Variants in SESN3 observed in about 807,000 individuals in gnomAD.
SESN3 encodes sestrin 3.
In SESN3, 21 loss-of-function variants were observed where a neutral mutation model predicts 55.3. The observed-to-expected ratio is 0.38, with a 90% CI of 0.27 to 0.55. The LOEUF is 0.55. Ranked by LOEUF, SESN3 falls within the 20% of genes least tolerant of loss-of-function variation. SESN3 has a pLI of 0.76. For missense variants in SESN3, 408 were observed against 604.3 expected, an observed-to-expected ratio of 0.68 and a Z score of 3.41; for synonymous variants, 181 against 203.1, an observed-to-expected ratio of 0.89 and a Z score of 0.93.
At chr11:95,184,703 A>G (rs1177127542) in intron 5 of SESN3, 109 bp from the exon 6 acceptor site, 2 of 978,004 alleles carry the variant, frequency 2.0e-6, no homozygotes, top group African/African-American at 3.3e-5. Context: ...AGGCACAGTT[A>G]TGAAGTTCTT....
chr11:95,185,829 G>T (rs148073090), intron 4 of SESN3, among the ~76,000 whole-genome samples: 1 of 151,640 alleles, frequency 6.6e-6, no homozygotes, highest in African/African-American at 2.4e-5. Context: ...AAAGATTATC[G>T]AACAAAACCA....
chr11:95,176,901 C>A (rs773912708), intron 8 of SESN3, among the ~76,000 whole-genome samples: 2 of 152,062 alleles, frequency 1.3e-5, no homozygotes, highest in Non-Finnish European at 2.9e-5. Flanking sequence ...TTACATACAA[C>A]CATAATCTAT....
intron 1 of SESN3, chr11:95,205,014 A>ACAGCCTTC (rs1591066067): frequency 6.6e-6 from 1 of 152,214 alleles, no homozygotes; most frequent in East Asian, 1.9e-4. Flanking sequence ...ATGGACTAAA[A>ACAGCCTTC]CAGCCTTCCA....
intron 1 of SESN3, chr11:95,201,362 G>T (rs1860458306): frequency 6.6e-6 from 1 of 152,014 alleles, no homozygotes; most frequent in Non-Finnish European, 1.5e-5. Context: ...AGCACTGAAA[G>T]AATTGGAAGA....
chr11:95,227,141 A>C (rs1224808582), intron 1 of SESN3, among the ~76,000 whole-genome samples: 2 of 152,024 alleles, frequency 1.3e-5, no homozygotes, highest in Admixed American at 1.3e-4. Flanking sequence ...AACAATTTTG[A>C]CTATAAAAAT....
In SESN3 at chr11:95,172,117, T is replaced by C. The variant is rs1297566316; in HGVS notation, c.*1138A>G. On this transcript the variant is annotated 3_prime_UTR_variant, in exon 10 of 10. Coordinates refer to ENST00000536441, the MANE Select transcript of SESN3 (RefSeq NM_144665.4). The stretch of plus-strand genomic sequence containing the variant: ...TTAAAAGGACACTTTTGCAGTGATA[T>C]GACAGGGGGAAAGTTTAGTTGAGTA... The C allele has an allele frequency of 1.3e-5, 2 of 152,170 alleles. No homozygotes were observed. The highest frequency in any genetic ancestry group is 2.9e-5 in the Non-Finnish European group (2 of 68,000). The allele number at this position is 152,170 out of a possible 1,614,324, so 9.4% of individuals were successfully genotyped here.
At chr11:95,186,153 C>T (rs1221436115) in intron 4 of SESN3, among the ~76,000 whole-genome samples, 2 of 145,098 alleles carry the variant, frequency 1.4e-5, no homozygotes, top group African/African-American at 5.1e-5. Flanking sequence ...TCTTTCCCAT[C>T]GGTGTTCATT....
At chr11:95,219,360 A>G (rs2134264981) in intron 1 of SESN3, among the ~76,000 whole-genome samples, 1 of 152,102 alleles carries the variant, frequency 6.6e-6, no homozygotes, top group African/African-American at 2.4e-5. Flanking sequence ...CATTTGCTGG[A>G]CTGACTTGTT....
chr11:95,231,156 C>G lies in SESN3; in HGVS notation c.-296G>C, dbSNP rs1398177455. On this transcript the variant is annotated 5_prime_UTR_variant, in exon 1 of 10. Coordinates refer to ENST00000536441, the MANE Select transcript of SESN3 (RefSeq NM_144665.4). ...GCCCCCGCCAGGCTAGGACGAGCAG[C>G]CGCCACCGCTGCCACCGCCACCACC... is the stretch of plus-strand genomic sequence containing the variant. 1 of 414,828 alleles carries G rather than the reference C, an allele frequency of 2.4e-6. No homozygotes were observed. Among genetic ancestry groups the G allele is most frequent in the African/African-American group, 2.1e-5 (1 of 47,138 alleles). 25.7% of individuals were successfully genotyped at this position (414,828 alleles called of 1,614,324 possible). A position where few individuals can be genotyped will look rare whatever the true frequency, so the allele number is the denominator to read the frequency against.
chr11:95,210,738 C>G (rs1860639271), intron 1 of SESN3, among the ~76,000 whole-genome samples: 1 of 152,062 alleles, frequency 6.6e-6, no homozygotes, highest in East Asian at 1.9e-4. Context: ...ACTTATTATT[C>G]CAATATACTA....
chr11:95,200,413 G>A (rs1282699494), intron 1 of SESN3, among the ~76,000 whole-genome samples: 1 of 152,040 alleles, frequency 6.6e-6, no homozygotes, highest in Non-Finnish European at 1.5e-5. Flanking sequence ...ATGTTCACCA[G>A]ATTATAATAA....
chr11:95,177,840 C>G lies in SESN3; in HGVS notation c.1126G>C (p.Asp376His), dbSNP rs1242786408. 6 of 1,606,352 alleles carry G rather than the reference C, an allele frequency of 3.7e-6. No homozygotes were observed. Among genetic ancestry groups the G allele is most frequent in the Non-Finnish European group, 5.1e-6 (6 of 1,177,882 alleles). ...TTGTAGACCATCCGAAACTTTTCATCAAGAAGATGTCCAATGTCAGAATAA... is the reference window on the plus strand; with the variant it reads ...TTGTAGACCATCCGAAACTTTTCATGAAGAAGATGTCCAATGTCAGAATAA... ...RLYSDIGHLL[D>H]EKFRMVYNLT... Residue 376 changes from aspartate to histidine, a missense_variant, in exon 8 of 10, where the codon GAT (aspartate) becomes CAT (histidine). Asp to His is a moderately conservative substitution (Grantham distance 81). Transcript: ENST00000536441.
intron 1 of SESN3, among the ~76,000 whole-genome samples, chr11:95,206,072 C>T (rs1038582265): frequency 2.6e-5 from 4 of 152,060 alleles, no homozygotes; most frequent in Admixed American, 2.0e-4. Flanking sequence ...AAACCCACAG[C>T]GAGTTTTCCC....
chr11:95,182,695 G>T (rs1343113805), intron 6 of SESN3, among the ~76,000 whole-genome samples: 1 of 152,070 alleles, frequency 6.6e-6, no homozygotes, highest in Non-Finnish European at 1.5e-5. Flanking sequence ...TCCAAAATAC[G>T]GTAGGTTACA....
intron 1 of SESN3, among the ~76,000 whole-genome samples, chr11:95,212,163 T>C (rs1860667233): frequency 6.6e-6 from 1 of 151,848 alleles, no homozygotes. Flanking sequence ...TAAGAACAAG[T>C]ATTTAATATT....
intron 6 of SESN3, 108 bp downstream of exon 6, chr11:95,184,312 G>C: frequency 1.1e-6 from 1 of 881,506 alleles, no homozygotes; most frequent in African/African-American, 1.7e-5. Context: ...AACTAAATAA[G>C]AGAAAGATGG....
intron 9 of SESN3, 84 bp from the exon 10 acceptor site, chr11:95,173,425 T>C: frequency 1.3e-6 from 1 of 760,862 alleles, no homozygotes. Context: ...TTTTTTTATG[T>C]GTATATAAGC....
intron 1 of SESN3, among the ~76,000 whole-genome samples, chr11:95,221,908 T>C (rs899981380): frequency 3.9e-5 from 6 of 152,212 alleles, no homozygotes; most frequent in Non-Finnish European, 7.3e-5. Context: ...AGTCTGGGCC[T>C]ATGAACAATT....
At chr11:95,189,682 TAAGAC>T in intron 4 of SESN3, 92 bp downstream of exon 4, 1 of 791,080 alleles carries the variant, frequency 1.3e-6, no homozygotes, top group South Asian at 2.1e-5. Context: ...CTACACATAC[TAAGAC>T]ACTATTATTT....
Sources: allele counts gnomAD v4.1 joint callset (sites outside exome capture counted in the v4.1 genomes callset), GRCh38; gene constraint gnomAD v4.1.1; transcripts MANE v1.5; gene names NCBI Gene and HGNC (gene_info 2026-07-23, HGNC 2026-07-21).